LARGE1: variants seen among roughly 807,000 people sequenced by gnomAD.
LARGE1 encodes LARGE xylosyl- and glucuronyltransferase 1.
In LARGE1, 43 loss-of-function variants were observed where a neutral mutation model predicts 87.6. The observed-to-expected ratio is 0.49, with a 90% CI of 0.38 to 0.63. The LOEUF is 0.63. LARGE1 is among the 30% of genes least tolerant of loss of function. The pLI is 0.00. For missense variants in LARGE1, 802 were observed against 1,000.2 expected (o/e 0.80, Z 2.67); for synonymous variants, 434 against 394.6 (o/e 1.10, Z -1.18).
intron 11 of LARGE1, among the ~76,000 whole-genome samples, chr22:33,171,301 G>A (rs1449646310): frequency 2.0e-5 from 3 of 152,208 alleles, no homozygotes; most frequent in Non-Finnish European, 4.4e-5. Flanking sequence ...TGGAAAATTT[G>A]CAGCCTGATC....
chr22:33,083,535 T>C, the LARGE1 span, among the ~76,000 whole-genome samples: 5 of 152,356 alleles, frequency 3.3e-5, no homozygotes, highest in Admixed American at 1.3e-4. Flanking sequence ...GATATAGTCA[T>C]GAACTGACAG....
chr22:33,092,750 C>T, the LARGE1 span, among the ~76,000 whole-genome samples: 2 of 151,342 alleles, frequency 1.3e-5, no homozygotes, highest in South Asian at 2.1e-4. Context: ...TGTATTAGTT[C>T]GCTGAGAATA....
chr22:33,883,630 C>T (rs1053452559), intron 1 of LARGE1, among the ~76,000 whole-genome samples: 21 of 152,256 alleles, frequency 1.4e-4, no homozygotes, highest in Admixed American at 7.8e-4. Context: ...TAGGGGCTTG[C>T]GCCCTTCCAG....
At chr22:33,688,392 C>T (rs552119541) in intron 2 of LARGE1, among the ~76,000 whole-genome samples, 26 of 152,280 alleles carry the variant, frequency 1.7e-4, no homozygotes, top group African/African-American at 5.8e-4. Context: ...GCTCTTGTAA[C>T]CCAGGCTGGA....
intron 5 of LARGE1, among the ~76,000 whole-genome samples, chr22:33,566,623 C>A (rs2283919): frequency 0.031 from 4,709 of 152,278 alleles, 121 homozygotes; most frequent in East Asian, 0.15. Context: ...GCTTCCACAG[C>A]TTGGAAGGGA....
At chr22:33,098,798 C>T in the LARGE1 span, among the ~76,000 whole-genome samples, 10 of 152,206 alleles carry the variant, frequency 6.6e-5, no homozygotes, top group East Asian at 3.9e-4. Flanking sequence ...CACCCCACAC[C>T]GCACCTTCTC....
intron 8 of LARGE1, among the ~76,000 whole-genome samples, chr22:33,383,371 C>T (rs2065219440): frequency 6.6e-6 from 1 of 151,924 alleles, no homozygotes; most frequent in Non-Finnish European, 1.5e-5. Flanking sequence ...ACCAGCCTGG[C>T]CAACGTGGAG....
At chr22:33,363,768 G>T (rs908551949) in intron 9 of LARGE1, among the ~76,000 whole-genome samples, 1 of 150,032 alleles carries the variant, frequency 6.7e-6, no homozygotes, top group Non-Finnish European at 1.5e-5. Flanking sequence ...GAGCCATGAC[G>T]AAGTAAAATT....
chr22:33,087,683 C>T, the LARGE1 span, among the ~76,000 whole-genome samples: 1 of 151,996 alleles, frequency 6.6e-6, no homozygotes, highest in Non-Finnish European at 1.5e-5. Context: ...ATCTGTAATC[C>T]CAGCACTTTG....
chr22:33,075,566 G>A, the LARGE1 span, among the ~76,000 whole-genome samples: 1 of 152,158 alleles, frequency 6.6e-6, no homozygotes, highest in Non-Finnish European at 1.5e-5. Flanking sequence ...CTTGGAGAAT[G>A]TTAGTAACTT....
At chr22:33,142,775 A>G in the LARGE1 span, among the ~76,000 whole-genome samples, 9 of 152,130 alleles carry the variant, frequency 5.9e-5, no homozygotes, top group Non-Finnish European at 1.3e-4. Context: ...TCACTCAACG[A>G]TTTTCAAAGG....
intron 1 of LARGE1, among the ~76,000 whole-genome samples, chr22:33,872,527 C>T (rs9621790): frequency 6.6e-6 from 1 of 151,830 alleles, no homozygotes; most frequent in African/African-American, 2.4e-5. Flanking sequence ...CCGCCACCCC[C>T]CCAGCGACAC....
intron 11 of LARGE1, among the ~76,000 whole-genome samples, chr22:33,305,927 C>T (rs1934836999): frequency 6.6e-6 from 1 of 151,716 alleles, no homozygotes; most frequent in Non-Finnish European, 1.5e-5. Context: ...CAAGCTCCGC[C>T]TCCCGGGTTC....
intron 5 of LARGE1, among the ~76,000 whole-genome samples, chr22:33,602,504 G>A (rs1404035563): frequency 6.6e-6 from 1 of 151,558 alleles, no homozygotes; most frequent in Non-Finnish European, 1.5e-5. Context: ...AGCCTCCAGA[G>A]TAGCTGGGAC....
chr22:33,319,289 A>T (rs1452481673), intron 10 of LARGE1, among the ~76,000 whole-genome samples: 17 of 152,204 alleles, frequency 1.1e-4, no homozygotes, highest in Admixed American at 1.0e-3. Context: ...CATTGCCATG[A>T]GAAGATGCCG....
At chr22:33,855,196 G>A (rs945251396) in intron 1 of LARGE1, among the ~76,000 whole-genome samples, 4 of 152,120 alleles carry the variant, frequency 2.6e-5, no homozygotes, top group Non-Finnish European at 4.4e-5. Flanking sequence ...TTAGCCGGGT[G>A]TGGTGGCGGT....
intron 1 of LARGE1, among the ~76,000 whole-genome samples, chr22:33,780,606 A>T (rs1396524294): frequency 2.6e-5 from 4 of 152,226 alleles, no homozygotes; most frequent in African/African-American, 9.6e-5. Flanking sequence ...AGCCTCTCTG[A>T]ATTTCAGCAT....
intron 9 of LARGE1, among the ~76,000 whole-genome samples, chr22:33,339,154 T>TAAAA (rs1182760420): frequency 1.7e-4 from 17 of 99,008 alleles, no homozygotes; most frequent in African/African-American, 5.8e-4. Flanking sequence ...TCTCAAAAAA[T>TAAAA]AAAAAAAAAA....
intron 11 of LARGE1, among the ~76,000 whole-genome samples, chr22:33,214,333 A>G (rs1925102923): frequency 1.3e-5 from 2 of 152,120 alleles, no homozygotes; most frequent in South Asian, 4.1e-4. Context: ...GGACACAAGT[A>G]ATACTGGATT....
Sources: gnomAD v4.1 joint callset for allele counts (sites outside exome capture counted in the v4.1 genomes callset) on GRCh38, gnomAD v4.1.1 for gene constraint, MANE v1.5 for transcripts, NCBI Gene and HGNC (gene_info 2026-07-23, HGNC 2026-07-21) for gene names.